Variants in ELMO1 observed in about 807,000 individuals in gnomAD.
The protein encoded by ELMO1 is engulfment and cell motility 1.
Under a neutral mutation model 98.9 loss-of-function variants are expected in ELMO1, and 26 were observed. That is an observed-to-expected ratio of 0.26 (90% CI 0.19 to 0.36). ELMO1 has a LOEUF of 0.36. Among genes scored for constraint, ELMO1 ranks in the 10% least tolerant of loss-of-function variants. The pLI, the probability that ELMO1 is intolerant of heterozygous loss-of-function variation, is 1.00. For missense variants in ELMO1, 627 were observed against 935.2 expected (o/e 0.67, Z 4.30); for synonymous variants, 346 against 346.0 (o/e 1.00, Z 0.00).
chr7:37,407,402 GGAGGCT>G (rs1803816661), intron 1 of ELMO1, among the ~76,000 whole-genome samples: 1 of 151,982 alleles, frequency 6.6e-6, no homozygotes, highest in Non-Finnish European at 1.5e-5. Context: ...CAGCTACACA[GGAGGCT>G]GAGGCAGGAG....
At chr7:37,104,620 C>T (rs1784838717) in intron 14 of ELMO1, among the ~76,000 whole-genome samples, 1 of 152,230 alleles carries the variant, frequency 6.6e-6, no homozygotes, top group Admixed American at 6.5e-5. Context: ...GGCGGCCATC[C>T]ATGGTATGTC....
chr7:36,965,200 T>C (rs573670112), intron 16 of ELMO1, among the ~76,000 whole-genome samples: 1 of 152,304 alleles, frequency 6.6e-6, no homozygotes, highest in Admixed American at 6.5e-5. Context: ...ATTCTTAATG[T>C]ATTCATGGCA....
chr7:37,014,637 C>T (rs1267939449), intron 15 of ELMO1, among the ~76,000 whole-genome samples: 1 of 151,994 alleles, frequency 6.6e-6, no homozygotes, highest in Non-Finnish European at 1.5e-5. Flanking sequence ...CCCCCCACTC[C>T]CCAACTGGCC....
rs1802070089 is a variant in ELMO1 at position 36,854,674 on chromosome 7, A to G, written c.*877T>C. On this transcript the variant is annotated 3_prime_UTR_variant, in exon 22 of 22. Coordinates refer to ENST00000310758, the MANE Select transcript of ELMO1 (RefSeq NM_014800.11). ...AGTTGCAGCAGGACCTCCCAGGAGA[A>G]GGTAACACCAAACGCTTGGATAGCA... 6.6e-6 allele frequency: 1 copy of G among 152,630 alleles called. No homozygotes were observed. The allele number at this position is 152,630 out of a possible 1,614,324, so 9.5% of individuals were successfully genotyped here. A position where few individuals can be genotyped will look rare whatever the true frequency, so the allele number is the denominator to read the frequency against.
chr7:37,108,532 C>T (rs1373856607), intron 14 of ELMO1, among the ~76,000 whole-genome samples: 3 of 152,218 alleles, frequency 2.0e-5, no homozygotes, highest in Non-Finnish European at 4.4e-5. Flanking sequence ...TGGGGGCACA[C>T]CGGGTACAGG....
At chr7:37,243,255 T>C (rs150437681) in intron 7 of ELMO1, among the ~76,000 whole-genome samples, 169 of 152,326 alleles carry the variant, frequency 1.1e-3, no homozygotes, top group African/African-American at 3.9e-3. Flanking sequence ...AATTCCTCTA[T>C]ATTTGCAAAT....
chr7:37,033,240 C>T (rs562416281), intron 15 of ELMO1: 1 of 374,460 alleles, frequency 2.7e-6, no homozygotes, highest in South Asian at 1.9e-5. Context: ...GCAGGAGGAG[C>T]GCAGACGGGC....
chr7:36,857,256 T>C (rs1802269951), intron 21 of ELMO1, among the ~76,000 whole-genome samples: 1 of 152,230 alleles, frequency 6.6e-6, no homozygotes, highest in African/African-American at 2.4e-5. Context: ...ATGATCTGAT[T>C]CTGAACATGT....
intron 16 of ELMO1, chr7:36,985,233 T>TACC (rs1180031911): frequency 2.1e-6 from 1 of 486,586 alleles, no homozygotes; most frequent in Non-Finnish European, 2.7e-6. Context: ...CCTCTCTGGT[T>TACC]TTTCAGGGGT....
At chr7:37,091,036 A>C (rs1008729263) in intron 15 of ELMO1, among the ~76,000 whole-genome samples, 3 of 152,206 alleles carry the variant, frequency 2.0e-5, no homozygotes, top group Non-Finnish European at 4.4e-5. Context: ...ACCTATTCAA[A>C]AGAGAGTAAT....
intron 6 of ELMO1, among the ~76,000 whole-genome samples, chr7:37,247,302 T>C (rs1487209739): frequency 6.6e-6 from 1 of 152,174 alleles, no homozygotes; most frequent in Non-Finnish European, 1.5e-5. Context: ...TTTTGAGAGC[T>C]GCTAAGCTCT....
intron 15 of ELMO1, among the ~76,000 whole-genome samples, chr7:37,063,844 C>T (rs1796801617): frequency 6.6e-6 from 1 of 152,126 alleles, no homozygotes; most frequent in Non-Finnish European, 1.5e-5. Flanking sequence ...TAGTAAGTAC[C>T]ACTGCTGTAG....
At chr7:37,026,244 T>C (rs909373671) in intron 15 of ELMO1, among the ~76,000 whole-genome samples, 4 of 152,136 alleles carry the variant, frequency 2.6e-5, no homozygotes, top group Non-Finnish European at 5.9e-5. Context: ...GCAGCTGGGA[T>C]GTCCCTCACT....
At chr7:37,194,140 T>C (rs1584791889) in intron 13 of ELMO1, among the ~76,000 whole-genome samples, 1 of 152,212 alleles carries the variant, frequency 6.6e-6, no homozygotes, top group East Asian at 1.9e-4. Context: ...AGCTCCCCTT[T>C]CATTAAAATA....
chr7:36,985,052 G>A (rs1791395520), intron 16 of ELMO1: 1 of 985,362 alleles, frequency 1.0e-6, no homozygotes, highest in African/African-American at 1.7e-5. Flanking sequence ...TCCCCACGCT[G>A]CCCCTCCATT....
At chr7:37,295,956 G>A (rs972992614) in intron 4 of ELMO1, among the ~76,000 whole-genome samples, 7 of 152,194 alleles carry the variant, frequency 4.6e-5, no homozygotes, top group Admixed American at 2.0e-4. Context: ...TGGAGGAAAC[G>A]TGAATACATT....
At chr7:36,979,126 G>A (rs1274315561) in intron 16 of ELMO1, among the ~76,000 whole-genome samples, 1 of 152,130 alleles carries the variant, frequency 6.6e-6, no homozygotes, top group South Asian at 2.1e-4. Context: ...ATGCTAGAGG[G>A]TTGGGGTAGT....
chr7:37,313,186 A>G (rs1283738580), intron 4 of ELMO1, among the ~76,000 whole-genome samples: 1 of 151,852 alleles, frequency 6.6e-6, no homozygotes, highest in Admixed American at 6.6e-5. Flanking sequence ...TATACAAGGC[A>G]TGCCAGGAAA....
intron 7 of ELMO1, among the ~76,000 whole-genome samples, chr7:37,238,247 A>G (rs1794582637): frequency 6.6e-6 from 1 of 152,204 alleles, no homozygotes; most frequent in Non-Finnish European, 1.5e-5. Context: ...ATTTTTAGCA[A>G]ATAAATAGAT....
Sources: allele counts gnomAD v4.1 joint callset (sites outside exome capture counted in the v4.1 genomes callset), GRCh38; gene constraint gnomAD v4.1.1; transcripts MANE v1.5; gene names NCBI Gene and HGNC (gene_info 2026-07-23, HGNC 2026-07-21).